MAPT: variants seen among roughly 807,000 people sequenced by gnomAD.
MAPT encodes the protein microtubule-associated protein tau.
Under a neutral mutation model 67.9 loss-of-function variants are expected in MAPT, and 34 were observed. That is an observed-to-expected ratio of 0.50 (90% CI 0.38 to 0.67). The LOEUF is 0.67. Among genes scored for constraint, MAPT ranks in the 30% least tolerant of loss-of-function variants. The pLI is 0.00. For synonymous variants in MAPT, 456 were observed against 464.5 expected (o/e 0.98, Z 0.23); for missense variants, 881 against 1,115.2 (o/e 0.79, Z 2.99).
chr17:45,982,627 G>A (rs779636604), intron 4 of MAPT, among the ~76,000 whole-genome samples: 15 of 152,064 alleles, frequency 9.9e-5, no homozygotes, highest in African/African-American at 3.1e-4. Context: ...CTTTACAGAT[G>A]AGGAAACTGA....
chr17:45,915,266 GTGTA>G lies in MAPT; in HGVS notation c.-18+20584_-18+20587del, dbSNP rs944982542. Among the ~76,000 whole-genome samples the G allele has an allele frequency of 6.6e-6, 1 of 151,630 alleles. No homozygotes were observed. The highest frequency in any genetic ancestry group is 6.6e-5 in the Admixed American group (1 of 15,194). On this transcript the variant is annotated intron_variant, in intron 1 of 12. Coordinates refer to ENST00000262410, the MANE Select transcript of MAPT (RefSeq NM_001377265.1). The surrounding 1 kb of genome is among the most constrained non-coding windows in gnomAD (Gnocchi z 4.4). ...GTGTGTGTGGTGTGTAAGCATGAGT[GTGTA>G]TGTGTGTGGTGTGGGGGTGTGTGCT...
chr17:45,955,069 A>C (rs139823441), intron 1 of MAPT, among the ~76,000 whole-genome samples: 46 of 152,364 alleles, frequency 3.0e-4, no homozygotes, highest in African/African-American at 1.1e-3. Context: ...GAGCTCATTA[A>C]GTCAAATGAG....
At chr17:45,948,276 GATTAAGGT>G (rs1158427966) in intron 1 of MAPT, among the ~76,000 whole-genome samples, 2 of 152,068 alleles carry the variant, frequency 1.3e-5, no homozygotes, top group Admixed American at 1.3e-4. Context: ...AAAATACTGG[GATTAAGGT>G]ATGAGCCACC....
At chr17:45,950,429 C>T (rs2068946651) in intron 1 of MAPT, among the ~76,000 whole-genome samples, 2 of 152,080 alleles carry the variant, frequency 1.3e-5, no homozygotes, top group South Asian at 2.1e-4. Flanking sequence ...CAGGGTCTCA[C>T]CTGCACATCC....
Position 46,010,159 on chromosome 17 carries a change from C to G in MAPT, c.1999-151C>G. ...AACCTCCCGTCACTCCCCAGACTGCCTCTGCCAAGTCCGAAAGTGGAGGCA... is the reference window on the plus strand; with the variant it reads ...AACCTCCCGTCACTCCCCAGACTGCGTCTGCCAAGTCCGAAAGTGGAGGCA... On this transcript the variant is annotated intron_variant, in intron 9 of 12. Coordinates refer to ENST00000262410, the MANE Select transcript of MAPT (RefSeq NM_001377265.1). The surrounding 1 kb of genome is among the most constrained non-coding windows in gnomAD (Gnocchi z 4.7). The G allele has an allele frequency of 2.8e-6, 2 of 708,404 alleles. No homozygotes were observed. Among genetic ancestry groups the G allele is most frequent in the Non-Finnish European group, 5.2e-6 (2 of 385,596 alleles). The allele number at this position is 708,404 out of a possible 1,614,324, so 43.9% of individuals were successfully genotyped here.
intron 1 of MAPT, among the ~76,000 whole-genome samples, chr17:45,924,862 G>A (rs193290108): frequency 2.6e-4 from 39 of 152,184 alleles, no homozygotes; most frequent in African/African-American, 9.4e-4. Flanking sequence ...TTGCTGGGGG[G>A]TGGCACTTAA....
chr17:45,949,317 C>T (rs1315223232), intron 1 of MAPT, among the ~76,000 whole-genome samples: 1 of 152,252 alleles, frequency 6.6e-6, no homozygotes, highest in Admixed American at 6.5e-5. Flanking sequence ...AGACTGGAAG[C>T]TCGGTCCAGG....
intron 2 of MAPT, among the ~76,000 whole-genome samples, chr17:45,965,184 C>A (rs1476737999): frequency 1.3e-5 from 2 of 152,048 alleles, no homozygotes; most frequent in Non-Finnish European, 2.9e-5. Flanking sequence ...GTAATCCCAG[C>A]ACTTTGGGAG....
Position 45,983,693 on chromosome 17 carries a change from G to C in MAPT, c.1114G>C (p.Ala372Pro), listed in dbSNP as rs956323258. 3 of 1,614,080 alleles carry C rather than the reference G, an allele frequency of 1.9e-6. No individual in the cohort carries two copies. Among genetic ancestry groups the C allele is most frequent in the Non-Finnish European group, 2.5e-6 (3 of 1,179,980 alleles). Residue 372 changes from alanine to proline, a missense_variant, in exon 5 of 13, where the codon GCC becomes CCC. Ala to Pro is a conservative substitution (Grantham distance 27). Around this residue, in one of 6 missense-constraint regions of MAPT, gnomAD observed 687 missense variants for 766.1 expected, o/e 0.90. Transcript: ENST00000262410. ...TGTAGGGCGGGCCAAAGGGCAGGAT[G>C]CCCCCCTGGAGTTCACGTTTCACGT... ...PSVGRAKGQDAPLEFTFHVEI... is the reference protein window; with the variant it reads ...PSVGRAKGQDPPLEFTFHVEI...
intron 1 of MAPT, among the ~76,000 whole-genome samples, chr17:45,909,077 A>T (rs572733926): frequency 2.0e-4 from 31 of 152,330 alleles, no homozygotes; most frequent in African/African-American, 7.5e-4. Flanking sequence ...GGAGCTGCAG[A>T]GTGCGGGCAC....
At position 46,023,949 on chromosome 17, in the gene MAPT, C is replaced by T. The variant is rs754653459; in HGVS notation, c.2287-7C>T. 1.2e-6 allele frequency: 2 copies of T among 1,613,276 alleles called. No individual in the cohort carries two copies. Among genetic ancestry groups the T allele is most frequent in the South Asian group, 2.2e-5 (2 of 91,078 alleles). On this transcript the variant is annotated splice_polypyrimidine_tract_variant and splice_region_variant and intron_variant, in intron 12 of 12. Transcript: ENST00000262410. Reference sequence around the variant, plus strand: ...ATCTCACCCTCCCTCCCTTCCTCTTCTTGCAGATTGAAACCCACAAGCTGA... The same window carrying T: ...ATCTCACCCTCCCTCCCTTCCTCTTTTTGCAGATTGAAACCCACAAGCTGA...
intron 2 of MAPT, among the ~76,000 whole-genome samples, chr17:45,968,209 C>CA (rs144343170): frequency 0.083 from 9,362 of 112,674 alleles, 944 homozygotes; most frequent in African/African-American, 0.23. Context: ...CAAAAAACAA[C>CA]AAAAAAAAAC....
intron 3 of MAPT, chr17:45,972,895 T>C (rs543837493): frequency 7.8e-4 from 119 of 152,544 alleles, no homozygotes; most frequent in African/African-American, 2.8e-3. Context: ...CACCCCTTGC[T>C]GCGAGCAAGG....
chr17:45,931,021 A>T (rs1398310012), intron 1 of MAPT, among the ~76,000 whole-genome samples: 1 of 152,106 alleles, frequency 6.6e-6, no homozygotes, highest in African/African-American at 2.4e-5. Context: ...CACATCCTAG[A>T]ATTTGCTGTC....
At chr17:46,001,564 G>C (rs1049066411) in intron 9 of MAPT, among the ~76,000 whole-genome samples, 2 of 152,210 alleles carry the variant, frequency 1.3e-5, no homozygotes, top group South Asian at 2.1e-4. Flanking sequence ...TTGGGAGGCC[G>C]ATGCTGGAGG....
At chr17:45,942,180 T>C (rs751337460) in intron 1 of MAPT, among the ~76,000 whole-genome samples, 1 of 152,202 alleles carries the variant, frequency 6.6e-6, no homozygotes, top group Non-Finnish European at 1.5e-5. Flanking sequence ...GCATATATAC[T>C]CTAGTTTGTT....
At chr17:46,021,923 T>C (rs1329839342) in intron 12 of MAPT, among the ~76,000 whole-genome samples, 3 of 152,182 alleles carry the variant, frequency 2.0e-5, no homozygotes, top group Admixed American at 1.3e-4. Context: ...TAACAAGCAG[T>C]GGGGCACACC....
At chr17:45,966,243 C>T (rs556662936) in intron 2 of MAPT, among the ~76,000 whole-genome samples, 1 of 152,352 alleles carries the variant, frequency 6.6e-6, no homozygotes. Context: ...ACTAACTTCA[C>T]AAGTTTTCTG....
chr17:45,958,923 C>A (rs1454358770), intron 1 of MAPT, among the ~76,000 whole-genome samples: 1 of 151,508 alleles, frequency 6.6e-6, no homozygotes, highest in Non-Finnish European at 1.5e-5. Context: ...ATTCGCCAAG[C>A]GTGGTGGCAC....
Sources: allele counts gnomAD v4.1 joint callset (sites outside exome capture counted in the v4.1 genomes callset), GRCh38; gene constraint gnomAD v4.1.1; regional missense constraint gnomAD v4.1.1; non-coding constraint Gnocchi (gnomAD v3.1); transcripts MANE v1.5; gene names NCBI Gene and HGNC (gene_info 2026-07-23, HGNC 2026-07-21).